The following LUC7L3 variants were observed in gnomAD, a reference collection of about 807,000 sequenced individuals.
LUC7L3 encodes the protein LUC7 like 3 pre-mRNA splicing factor, also known as luc7-like protein 3.
LUC7L3 carries 6 observed loss-of-function variants against 66.8 expected under a neutral mutation model. That is an observed-to-expected ratio of 0.09 (90% CI 0.05 to 0.18). The LOEUF (loss-of-function observed/expected upper bound fraction) is 0.18. Among genes scored for constraint, LUC7L3 ranks in the 10% least tolerant of loss-of-function variants. The pLI, the probability that LUC7L3 is intolerant of heterozygous loss-of-function variation, is 1.00. For missense variants in LUC7L3, 341 were observed against 531.1 expected (o/e 0.64, Z 3.52); for synonymous variants, 160 against 174.7 (o/e 0.92, Z 0.66).
intron 1 of LUC7L3, among the ~76,000 whole-genome samples, chr17:50,727,298 C>A (rs1303150508): frequency 6.6e-6 from 1 of 152,116 alleles, no homozygotes; most frequent in Non-Finnish European, 1.5e-5. Flanking sequence ...TTCAGTTCCC[C>A]AGACTGTACA....
chr17:50,737,148 A>G, intron 2 of LUC7L3, 122 bp downstream of exon 2: 1 of 691,412 alleles, frequency 1.4e-6, no homozygotes, highest in Non-Finnish European at 2.4e-6. Context: ...ATTTGCTAAT[A>G]AGTAATTTCT....
intron 1 of LUC7L3, among the ~76,000 whole-genome samples, chr17:50,736,368 G>T (rs1381193831): frequency 1.3e-5 from 2 of 152,216 alleles, no homozygotes; most frequent in African/African-American, 4.8e-5. Flanking sequence ...CCCACCAAGA[G>T]AATTGCTTGG....
intron 1 of LUC7L3, among the ~76,000 whole-genome samples, chr17:50,729,895 A>G (rs8075350): frequency 1.2e-5 from 1 of 81,140 alleles, no homozygotes; most frequent in African/African-American, 5.0e-5. Context: ...ATATAAATAC[A>G]TTATATATAT....
chr17:50,719,616 C>A lies in LUC7L3; in HGVS notation c.-117C>A, dbSNP rs1032036937. On this transcript the variant is annotated 5_prime_UTR_variant, in exon 1 of 10. In the 5' UTR this introduces an upstream ATG that the reference lacks. Coordinates refer to ENST00000505658, the MANE Select transcript of LUC7L3 (RefSeq NM_016424.5). ...GGCGGCCATTTTGTCTTGTCGGCTCCTGTGTGTAGGAGGGATTTCGGCCTG... is the reference window on the plus strand; with the variant it reads ...GGCGGCCATTTTGTCTTGTCGGCTCATGTGTGTAGGAGGGATTTCGGCCTG... 1.3e-6 allele frequency: 1 copy of A among 783,860 alleles called. No homozygotes were observed. Among genetic ancestry groups the A allele is most frequent in the Non-Finnish European group, 2.0e-6 (1 of 488,522 alleles). 48.6% of individuals were successfully genotyped at this position (783,860 alleles called of 1,614,324 possible).
intron 1 of LUC7L3, among the ~76,000 whole-genome samples, chr17:50,729,928 ATATATATATATATATATG>A (rs1337510571): frequency 2.0e-4 from 8 of 39,576 alleles, no homozygotes; most frequent in South Asian, 1.4e-3. Context: ...ATATATATAT[ATATATATATATATATATG>A]TATGTATTTT....
At chr17:50,741,782 A>C in intron 5 of LUC7L3, 51 bp downstream of exon 5, 1 of 1,423,402 alleles carries the variant, frequency 7.0e-7, no homozygotes, top group East Asian at 2.3e-5. Flanking sequence ...CAGACATGTA[A>C]CCAGCAAAAA....
chr17:50,725,527 A>G (rs1376411011), intron 1 of LUC7L3, among the ~76,000 whole-genome samples: 1 of 152,102 alleles, frequency 6.6e-6, no homozygotes, highest in African/African-American at 2.4e-5. Flanking sequence ...TTTTTTTTCC[A>G]ATGGGGATTA....
At chr17:50,720,909 G>A (rs1968703505) in intron 1 of LUC7L3, among the ~76,000 whole-genome samples, 1 of 152,184 alleles carries the variant, frequency 6.6e-6, no homozygotes. Context: ...GTGTTGGGGT[G>A]CTAACTGATT....
intron 9 of LUC7L3, among the ~76,000 whole-genome samples, chr17:50,750,020 A>G: frequency 6.6e-6 from 1 of 152,220 alleles, no homozygotes; most frequent in East Asian, 1.9e-4. Flanking sequence ...ATTCAAATAT[A>G]TATAAAAATA....
intron 9 of LUC7L3, among the ~76,000 whole-genome samples, chr17:50,747,185 A>G (rs901658692): frequency 6.6e-5 from 10 of 150,432 alleles, no homozygotes; most frequent in Admixed American, 6.6e-4. Context: ...CACGTTTTCA[A>G]TGGGATCAAC....
Position 50,750,648 on chromosome 17 carries a change from C to G in LUC7L3, c.1286C>G (p.Thr429Ser). Reference protein sequence around the residue: ...TSEDIKSEGDTQSN With the variant: ...TSEDIKSEGDSQSN ...GAAGACATTAAATCTGAAGGTGACA[C>G]TCAGTCCAATTAAAACTGATCTGAT... is the stretch of plus-strand genomic sequence containing the variant. The change falls in exon 10 of 10, where the codon ACT (threonine) becomes AGT (serine). Residue 429 changes from threonine to serine, a missense_variant. By Grantham distance (58) the Thr-to-Ser change is moderately conservative. Coordinates refer to ENST00000505658, the MANE Select transcript of LUC7L3 (RefSeq NM_016424.5). The G allele has an allele frequency of 1.2e-6, 2 of 1,614,038 alleles. No individual in the cohort carries two copies. The highest frequency in any genetic ancestry group is 1.7e-6 in the Non-Finnish European group (2 of 1,179,996).
At chr17:50,748,155 G>A (rs144210385) in intron 9 of LUC7L3, among the ~76,000 whole-genome samples, 1,828 of 152,262 alleles carry the variant, frequency 0.012, 28 homozygotes, top group Non-Finnish European at 0.019. Flanking sequence ...AGGGATAAAA[G>A]CTAGCTAGCC....
chr17:50,723,661 C>T (rs5029051), intron 1 of LUC7L3: 541 of 89,108 alleles, frequency 6.1e-3, no homozygotes, highest in South Asian at 0.02. Context: ...GCCCCCCCCC[C>T]TTTTTTTTTT....
In LUC7L3 at chr17:50,719,651, C is replaced by A. The variant is rs549651658; in HGVS notation, c.-82C>A. 2.3e-5 allele frequency: 28 copies of A among 1,193,942 alleles called. No individual in the cohort carries two copies. The highest frequency in any genetic ancestry group is 6.0e-5 in the Admixed American group (3 of 50,104). 74.0% of individuals were successfully genotyped at this position (1,193,942 alleles called of 1,614,324 possible). A position where few individuals can be genotyped will look rare whatever the true frequency, so the allele number is the denominator to read the frequency against. On this transcript the variant is annotated 5_prime_UTR_variant, in exon 1 of 10. Transcript: ENST00000505658. ...GAGGGATTTCGGCCTGAGAGCGGGC[C>A]GAGGAGATTGGCGACGGTGTCGCCC... is the stretch of plus-strand genomic sequence containing the variant.
chr17:50,739,623 C>G (rs1187052748), intron 2 of LUC7L3, among the ~76,000 whole-genome samples: 1 of 150,904 alleles, frequency 6.6e-6, no homozygotes. Context: ...CGCTGCACTC[C>G]GGCCTGGGCG....
At position 50,751,510 on chromosome 17, in the gene LUC7L3, A is replaced by T. The variant is rs1429344719; in HGVS notation, c.*849A>T. On this transcript the variant is annotated 3_prime_UTR_variant, in exon 10 of 10. Transcript: ENST00000505658. The stretch of plus-strand genomic sequence containing the variant: ...TGTGTATTGCGTGAAAACTTATAAA[A>T]CAAATGTTAACAGAATGGAATTTTT... 7 of 1,178,474 alleles carry T rather than the reference A, an allele frequency of 5.9e-6. No homozygotes were observed. Among genetic ancestry groups the T allele is most frequent in the Non-Finnish European group, 7.5e-6 (7 of 935,744 alleles). The allele number at this position is 1,178,474 out of a possible 1,614,324, so 73.0% of individuals were successfully genotyped here. A position where few individuals can be genotyped will look rare whatever the true frequency, so the allele number is the denominator to read the frequency against.
intron 1 of LUC7L3, among the ~76,000 whole-genome samples, chr17:50,720,143 C>G (rs1027067696): frequency 6.6e-6 from 1 of 152,230 alleles, no homozygotes; most frequent in Non-Finnish European, 1.5e-5. Flanking sequence ...TCCGAGGTTT[C>G]ACCTCATTAT....
intron 2 of LUC7L3, among the ~76,000 whole-genome samples, chr17:50,738,970 A>G (rs1363954843): frequency 2.0e-5 from 3 of 152,132 alleles, no homozygotes; most frequent in Non-Finnish European, 4.4e-5. Flanking sequence ...ACAACGGGGG[A>G]AGTTGAAGAC....
At chr17:50,740,246 T>G (rs972195952) in intron 2 of LUC7L3, 60 bp from the exon 3 acceptor site, 56 of 1,258,610 alleles carry the variant, frequency 4.4e-5, no homozygotes, top group Non-Finnish European at 5.7e-5. Flanking sequence ...TCTTTTTTTT[T>G]GGCAAGAAAA....
Sources: allele counts gnomAD v4.1 joint callset (sites outside exome capture counted in the v4.1 genomes callset), GRCh38; gene constraint gnomAD v4.1.1; transcripts MANE v1.5; gene names NCBI Gene and HGNC (gene_info 2026-07-23, HGNC 2026-07-21).